AFAP1: variants seen among roughly 807,000 people sequenced by gnomAD.
AFAP1 encodes the protein actin filament-associated protein 1.
AFAP1 carries 75 observed loss-of-function variants against 93.9 expected under a neutral mutation model. The ratio of observed to expected loss-of-function variants is 0.80; its 90% CI spans 0.66 to 0.97. The LOEUF (loss-of-function observed/expected upper bound fraction) is 0.97, where lower values mean the gene tolerates loss of function less well. Among genes scored for constraint, AFAP1 ranks in the 50% least tolerant of loss-of-function variants. The pLI is 0.00. For missense variants in AFAP1, 1,201 were observed against 1,050.8 expected (o/e 1.14, Z -1.98); for synonymous variants, 517 against 430.7 (o/e 1.20, Z -2.48).
chr4:7,812,336 G>A (rs1720122062), intron 8 of AFAP1, among the ~76,000 whole-genome samples: 1 of 152,096 alleles, frequency 6.6e-6, no homozygotes, highest in African/African-American at 2.4e-5. Context: ...GAGCTGGGGT[G>A]TCAGATGAAC....
At chr4:7,785,439 G>A (rs983340964) in intron 12 of AFAP1, among the ~76,000 whole-genome samples, 3 of 152,184 alleles carry the variant, frequency 2.0e-5, no homozygotes, top group Admixed American at 1.3e-4. Context: ...CCCAAGGTAA[G>A]CTGTCGAATT....
intron 9 of AFAP1, among the ~76,000 whole-genome samples, chr4:7,806,302 C>G (rs966889774): frequency 2.6e-5 from 4 of 152,202 alleles, no homozygotes; most frequent in African/African-American, 9.7e-5. Flanking sequence ...GAGACTTTGG[C>G]CCAAACCCCC....
chr4:7,899,038 T>TAC (rs956153636), intron 1 of AFAP1, among the ~76,000 whole-genome samples: 6 of 151,272 alleles, frequency 4.0e-5, no homozygotes, highest in Non-Finnish European at 8.8e-5. Context: ...TATATATATA[T>TAC]AAGTAATACA....
chr4:7,813,067 C>T (rs1402711116), intron 8 of AFAP1, among the ~76,000 whole-genome samples: 2 of 152,140 alleles, frequency 1.3e-5, no homozygotes, highest in African/African-American at 2.4e-5. Flanking sequence ...GTTCCAGAGT[C>T]GTTCCCTGTG....
intron 15 of AFAP1, chr4:7,773,224 G>T: frequency 1.4e-6 from 1 of 706,740 alleles, no homozygotes; most frequent in Non-Finnish European, 2.2e-6. Context: ...TTGAGGACTC[G>T]GACCAGGAAA....
chr4:7,774,601 A>G, intron 15 of AFAP1, 138 bp downstream of exon 15: 1 of 1,294,834 alleles, frequency 7.7e-7, no homozygotes. Flanking sequence ...AAGCCCCAAG[A>G]AACACTGTGA....
intron 1 of AFAP1, among the ~76,000 whole-genome samples, chr4:7,929,857 G>A (rs999350480): frequency 6.6e-6 from 1 of 152,198 alleles, no homozygotes; most frequent in Non-Finnish European, 1.5e-5. Context: ...CCAATCCGGA[G>A]GTGCCGGCTC....
At chr4:7,926,894 C>T in intron 1 of AFAP1, among the ~76,000 whole-genome samples, 1 of 152,298 alleles carries the variant, frequency 6.6e-6, no homozygotes, top group South Asian at 2.1e-4. Flanking sequence ...CGCCACCATG[C>T]CCAGCTAATT....
At chr4:7,917,153 C>T (rs1369935686) in intron 1 of AFAP1, among the ~76,000 whole-genome samples, 4 of 152,116 alleles carry the variant, frequency 2.6e-5, no homozygotes, top group African/African-American at 9.7e-5. Context: ...TCATGTAGCC[C>T]GCCTGGCGCA....
At chr4:7,765,565 T>A (rs973628421) in intron 17 of AFAP1, among the ~76,000 whole-genome samples, 2 of 152,234 alleles carry the variant, frequency 1.3e-5, no homozygotes, top group African/African-American at 4.8e-5. Context: ...GGCAGAAGCC[T>A]GGGCTACTCA....
intron 8 of AFAP1, among the ~76,000 whole-genome samples, chr4:7,814,918 G>A (rs1177940350): frequency 1.3e-5 from 2 of 152,218 alleles, no homozygotes; most frequent in Non-Finnish European, 2.9e-5. Context: ...TCTCCAGAAA[G>A]CTGGCCTGAA....
intron 1 of AFAP1, among the ~76,000 whole-genome samples, chr4:7,920,174 G>C (rs1282954138): frequency 6.6e-6 from 1 of 152,154 alleles, no homozygotes; most frequent in Non-Finnish European, 1.5e-5. Flanking sequence ...GGATTGCTGA[G>C]TCAAATGGTA....
Position 7,772,960 on chromosome 4 carries a change from CCTCCTCCAGCTGCTTCAGCTT to C in AFAP1, c.2092_2112del (p.Lys698_Glu704del), listed in dbSNP as rs1397139621. The C allele has an allele frequency of 3.1e-6, 5 of 1,613,156 alleles. No homozygotes were observed. Among genetic ancestry groups the C allele is most frequent in the Non-Finnish European group, 1.7e-6 (2 of 1,180,006 alleles). On this transcript the variant is annotated inframe_deletion, in exon 16 of 18. Transcript: ENST00000420658. ...CGCTCCGCCTCCTTCTGCCGGCACT[CCTCCTCCAGCTGCTTCAGCTT>C]CTCCTCCAGGATCGCCTGCGGCTTC...
chr4:7,904,187 C>T (rs749241324), intron 1 of AFAP1, among the ~76,000 whole-genome samples: 19 of 152,010 alleles, frequency 1.2e-4, no homozygotes, highest in African/African-American at 1.9e-4. Context: ...ATGATGACAG[C>T]GAATGACAAT....
rs5855985 is a variant in AFAP1 at position 7,822,900 on chromosome 4, CT to C, written c.727-3730del. ...GAGCCACTGCGCCCGGCCCCTCTTT[CT>C]TTTTTTTTTTCAACAGGGGAACTTC... is the stretch of plus-strand genomic sequence containing the variant. On this transcript the variant is annotated intron_variant, in intron 6 of 17. Transcript: ENST00000420658. Among the ~76,000 whole-genome samples, 31 of 147,792 alleles carry C rather than the reference CT, an allele frequency of 2.1e-4. 1 individual carries two copies. The highest frequency in any genetic ancestry group is 1.1e-3 in the South Asian group (5 of 4,640).
chr4:7,918,924 C>CAGAAGAGACACTCGGCCCAGGTCACCA (rs1560236271), intron 1 of AFAP1, among the ~76,000 whole-genome samples: 1 of 112,496 alleles, frequency 8.9e-6, no homozygotes, highest in East Asian at 3.0e-4. Flanking sequence ...ACAGGGCTGC[C>CAGAAGAGACACTCGGCCCAGGTCACCA]GGATGAGACA....
At chr4:7,853,675 G>A (rs769606414) in intron 4 of AFAP1, among the ~76,000 whole-genome samples, 18 of 152,290 alleles carry the variant, frequency 1.2e-4, no homozygotes, top group African/African-American at 3.1e-4. Flanking sequence ...TGGCTTCTCC[G>A]ATAAGACCAT....
rs564004983 is a variant in AFAP1, at chr4:7,793,773, C to T, written c.1320G>A (p.Thr440=). ...GAGCCTCCGGGTCTGTGGACGATCCCGTCTCTGCGAGTAAAATCCCAATCC... is the reference window on the plus strand; with the variant it reads ...GAGCCTCCGGGTCTGTGGACGATCCTGTCTCTGCGAGTAAAATCCCAATCC... ...GRWIGILLAE[T]GSSTDPEALH... is the part of the protein sequence containing the mutation. The change falls in exon 11 of 18, where the codon ACG becomes ACA. Residue 440 remains threonine (T), a synonymous_variant. Transcript: ENST00000420658. 3.2e-6 allele frequency: 5 copies of T among 1,570,162 alleles called. No homozygotes were observed. Among genetic ancestry groups the T allele is most frequent in the South Asian group, 1.1e-5 (1 of 87,302 alleles).
intron 3 of AFAP1, among the ~76,000 whole-genome samples, chr4:7,860,933 G>A (rs551969672): frequency 1.3e-5 from 2 of 152,248 alleles, no homozygotes; most frequent in East Asian, 1.9e-4. Context: ...TGCCTCGCTC[G>A]CCTCGCCTCG....
Sources: allele counts gnomAD v4.1 joint callset (sites outside exome capture counted in the v4.1 genomes callset), GRCh38; gene constraint gnomAD v4.1.1; transcripts MANE v1.5; gene names NCBI Gene and HGNC (gene_info 2026-07-23, HGNC 2026-07-21).